The following AJAP1 variants were observed in gnomAD, a reference collection of about 807,000 sequenced individuals.
AJAP1 encodes the protein adherens junctions associated protein 1.
Under a neutral mutation model 35.0 loss-of-function variants are expected in AJAP1, and 5 were observed. The observed-to-expected ratio is 0.14, with a 90% CI of 0.07 to 0.30. AJAP1 has a LOEUF of 0.30. Ranked by LOEUF, AJAP1 falls within the 10% of genes least tolerant of loss-of-function variation. AJAP1 has a pLI of 1.00. For missense variants in AJAP1, 586 were observed against 571.0 expected (o/e 1.03, Z -0.27); for synonymous variants, 284 against 249.3 (o/e 1.14, Z -1.31).
chr1:4,694,753 G>A (rs1639820316), intron 1 of AJAP1, among the ~76,000 whole-genome samples: 1 of 152,194 alleles, frequency 6.6e-6, no homozygotes, highest in Admixed American at 6.5e-5. Context: ...CTGGGGGTGG[G>A]ACCTACAGCC....
chr1:4,724,227 G>A (rs1185701335), intron 2 of AJAP1, among the ~76,000 whole-genome samples: 1 of 152,158 alleles, frequency 6.6e-6, no homozygotes. Flanking sequence ...TGGTGGTGAT[G>A]GCGGCCGGGA....
chr1:4,670,397 T>C (rs1193460224), intron 1 of AJAP1, among the ~76,000 whole-genome samples: 1 of 152,202 alleles, frequency 6.6e-6, no homozygotes, highest in Non-Finnish European at 1.5e-5. Flanking sequence ...CCCCTTTTCC[T>C]GGACCTCAGA....
At chr1:4,751,346 A>C (rs1274135223) in intron 2 of AJAP1, among the ~76,000 whole-genome samples, 3 of 152,180 alleles carry the variant, frequency 2.0e-5, no homozygotes, top group African/African-American at 7.2e-5. Context: ...AGCTGATGTG[A>C]TGAACCTATT....
At chr1:4,669,243 T>C (rs1028750409) in intron 1 of AJAP1, among the ~76,000 whole-genome samples, 1 of 152,222 alleles carries the variant, frequency 6.6e-6, no homozygotes, top group South Asian at 2.1e-4. Flanking sequence ...ACTTACCTAC[T>C]TCCTGTGTCT....
chr1:4,719,943 AATT>A (rs764041041), intron 2 of AJAP1, among the ~76,000 whole-genome samples: 1 of 152,122 alleles, frequency 6.6e-6, no homozygotes. Flanking sequence ...CTGTGGGCTC[AATT>A]TTAAGCTTCC....
intron 2 of AJAP1, among the ~76,000 whole-genome samples, chr1:4,764,139 T>G (rs564219446): frequency 1.3e-5 from 2 of 152,164 alleles, no homozygotes; most frequent in African/African-American, 4.8e-5. Flanking sequence ...CATAATCACA[T>G]GAGCCAATCC....
chr1:4,733,362 AG>A (rs1640843938), intron 2 of AJAP1, among the ~76,000 whole-genome samples: 2 of 152,038 alleles, frequency 1.3e-5, no homozygotes, highest in South Asian at 4.2e-4. Context: ...CAACAGAAGC[AG>A]GTCACAGGAC....
intron 1 of AJAP1, among the ~76,000 whole-genome samples, chr1:4,698,242 G>A (rs887732293): frequency 1.3e-5 from 2 of 152,054 alleles, no homozygotes; most frequent in African/African-American, 4.8e-5. Flanking sequence ...TAAGGGGCCT[G>A]AGGCCGGAGG....
At chr1:4,671,663 C>T (rs956849047) in intron 1 of AJAP1, among the ~76,000 whole-genome samples, 2 of 152,254 alleles carry the variant, frequency 1.3e-5, no homozygotes, top group South Asian at 2.1e-4. Context: ...ACTGCCATAT[C>T]CCCATTCATC....
intron 1 of AJAP1, among the ~76,000 whole-genome samples, chr1:4,703,023 C>T (rs1395224597): frequency 1.3e-5 from 2 of 152,140 alleles, no homozygotes; most frequent in Admixed American, 6.5e-5. Context: ...ACTGCTTCTC[C>T]GTGAGTCAAG....
chr1:4,714,088 C>G (rs968751619), intron 2 of AJAP1, among the ~76,000 whole-genome samples: 14 of 152,202 alleles, frequency 9.2e-5, no homozygotes, highest in African/African-American at 3.4e-4. Context: ...TCTTCCTTCA[C>G]CTGGACAAGA....
intron 5 of AJAP1, chr1:4,777,256 T>C (rs144588404): frequency 6.6e-6 from 1 of 152,362 alleles, no homozygotes; most frequent in African/African-American, 2.4e-5. Context: ...AGTGGAGCTC[T>C]TTCTCTCTCA....
At position 4,786,212 on chromosome 1, in the gene AJAP1, T is replaced by A. The variant is rs1642159600; in HGVS notation, c.*3727T>A. ...TGGAGGTGGCTGCTAGTGTTCCTAT[T>A]TACTGCCCTCCTTGCACACAGAAGG... On this transcript the variant is annotated 3_prime_UTR_variant, in exon 6 of 6. Coordinates refer to ENST00000378191, the MANE Select transcript of AJAP1 (RefSeq NM_018836.4). 1 of 152,132 alleles carries A rather than the reference T, an allele frequency of 6.6e-6. No individual in the cohort carries two copies. The highest frequency in any genetic ancestry group is 6.5e-5 in the Admixed American group (1 of 15,274). 9.4% of individuals were successfully genotyped at this position (152,132 alleles called of 1,614,324 possible).
rs1236576465 is a variant in AJAP1 at position 4,693,399 on chromosome 1, A to G, written c.30-18501A>G. On this transcript the variant is annotated intron_variant, in intron 1 of 5. Transcript: ENST00000378191. The surrounding 1 kb of genome is among the most constrained non-coding windows in gnomAD (Gnocchi z 4.4). ...CTGGAGGCAGGGGGCGGGGGGAGGG[A>G]TTGGAGGAGGCCTAAGCAGGAGCAG... 8.2e-5 allele frequency among the ~76,000 whole-genome samples: 10 copies of G among 121,306 alleles called. 2 individuals carry two copies. The Middle Eastern group carries it at 0.016, about 196-fold the overall frequency. 79.6% of individuals were successfully genotyped at this position (121,306 alleles called of 152,430 possible).
chr1:4,671,149 A>G (rs969496635), intron 1 of AJAP1, among the ~76,000 whole-genome samples: 1 of 152,160 alleles, frequency 6.6e-6, no homozygotes, highest in Admixed American at 6.5e-5. Context: ...TGGGAAGATC[A>G]CTTGAGGTCA....
intron 1 of AJAP1, among the ~76,000 whole-genome samples, chr1:4,688,361 CAT>C (rs1639656683): frequency 6.6e-6 from 1 of 152,180 alleles, no homozygotes; most frequent in African/African-American, 2.4e-5. Context: ...CTGTGAGAAA[CAT>C]AACTATTCCG....
intron 2 of AJAP1, among the ~76,000 whole-genome samples, chr1:4,768,357 T>A (rs1641740514): frequency 6.6e-6 from 1 of 152,098 alleles, no homozygotes; most frequent in African/African-American, 2.4e-5. Context: ...TGGAGGAGAA[T>A]CCCTCGTGAA....
At chr1:4,763,819 C>T (rs1377325449) in intron 2 of AJAP1, among the ~76,000 whole-genome samples, 1 of 147,128 alleles carries the variant, frequency 6.8e-6, no homozygotes, top group Non-Finnish European at 1.5e-5. Context: ...TCCCTCTCCC[C>T]CTCCCCCTCT....
chr1:4,753,004 C>A (rs925175215), intron 2 of AJAP1, among the ~76,000 whole-genome samples: 1 of 152,172 alleles, frequency 6.6e-6, no homozygotes, highest in Non-Finnish European at 1.5e-5. Flanking sequence ...CAGTGGGTCC[C>A]CTTGTATGAC....
Sources: gnomAD v4.1 joint callset for allele counts (sites outside exome capture counted in the v4.1 genomes callset) on GRCh38, gnomAD v4.1.1 for gene constraint, Gnocchi (gnomAD v3.1) non-coding constraint, MANE v1.5 for transcripts, NCBI Gene and HGNC (gene_info 2026-07-23, HGNC 2026-07-21) for gene names.